Variants in SLC37A3 observed in about 807,000 individuals in gnomAD.
The protein encoded by SLC37A3 is solute carrier family 37 member 3.
Under a neutral mutation model 67.1 loss-of-function variants are expected in SLC37A3, and 51 were observed. The observed-to-expected ratio is 0.76, with a 90% CI of 0.61 to 0.96. The LOEUF is 0.96. SLC37A3 is among the 40% of genes least tolerant of loss of function. The probability of loss-of-function intolerance (pLI) is 0.00; values close to 1 mark genes in which losing one functional copy is unlikely to be tolerated. For missense variants in SLC37A3, 508 were observed against 603.0 expected, an observed-to-expected ratio of 0.84 and a Z score of 1.65; for synonymous variants, 214 against 231.4, an observed-to-expected ratio of 0.92 and a Z score of 0.68.
At chr7:140,366,047 C>T (rs990437587) in intron 4 of SLC37A3, among the ~76,000 whole-genome samples, 2 of 145,310 alleles carry the variant, frequency 1.4e-5, no homozygotes, top group African/African-American at 2.6e-5. Context: ...GAGCAATTCT[C>T]CTGCCGTAGC....
chr7:140,347,221 G>C (rs1235451577), intron 10 of SLC37A3, among the ~76,000 whole-genome samples: 1 of 150,262 alleles, frequency 6.7e-6, no homozygotes, highest in Non-Finnish European at 1.5e-5. Context: ...ACTCCAGCGT[G>C]GGCGACAGAG....
intron 1 of SLC37A3, among the ~76,000 whole-genome samples, chr7:140,385,681 T>C (rs1315717535): frequency 6.6e-6 from 1 of 152,230 alleles, no homozygotes; most frequent in Non-Finnish European, 1.5e-5. Flanking sequence ...TGAGGCCATT[T>C]GGATGTAGTT....
intron 10 of SLC37A3, among the ~76,000 whole-genome samples, chr7:140,347,994 G>A (rs893561579): frequency 2.0e-4 from 31 of 151,938 alleles, no homozygotes; most frequent in African/African-American, 5.3e-4. Flanking sequence ...ACATACCCAC[G>A]ATCAAGTTTA....
At chr7:140,395,247 G>A (rs1798872630) in intron 1 of SLC37A3, among the ~76,000 whole-genome samples, 1 of 151,436 alleles carries the variant, frequency 6.6e-6, no homozygotes, top group Non-Finnish European at 1.5e-5. Flanking sequence ...GTGGTGGTGG[G>A]CACCTATAAT....
At chr7:140,394,825 T>C (rs1798855056) in intron 1 of SLC37A3, among the ~76,000 whole-genome samples, 1 of 150,676 alleles carries the variant, frequency 6.6e-6, no homozygotes, top group Non-Finnish European at 1.5e-5. Flanking sequence ...GCAAGGCTGG[T>C]CTCGAACCCC....
At chr7:140,345,063 G>T (rs980811688) in intron 12 of SLC37A3, among the ~76,000 whole-genome samples, 153 bp downstream of exon 12, 3 of 152,170 alleles carry the variant, frequency 2.0e-5, no homozygotes, top group African/African-American at 7.2e-5. Context: ...CAGAGAAAAA[G>T]AATCTGGAAA....
Position 140,343,485 on chromosome 7 carries a change from C to A in SLC37A3, c.1253G>T (p.Arg418Met), listed in dbSNP as rs1796438929. Residue 418 changes from arginine (R) to methionine (M), a missense_variant, in exon 13 of 15, where the codon AGG becomes ATG. Coordinates refer to ENST00000326232, the MANE Select transcript of SLC37A3 (RefSeq NM_207113.3). Reference protein sequence around the residue: ...ADLGRQELIQRSSEALATVTG... With the variant: ...ADLGRQELIQMSSEALATVTG... ...GACAGTGGCCAAAGCTTCACTGCTC[C>A]TTTGGATGAGCTCCTGGCGACCCAA... is the stretch of plus-strand genomic sequence containing the variant. 1 of 1,613,964 alleles carries A rather than the reference C, an allele frequency of 6.2e-7. No individual in the cohort carries two copies. The highest frequency in any genetic ancestry group is 8.5e-7 in the Non-Finnish European group (1 of 1,180,004).
chr7:140,368,470 G>C (rs2129636545), intron 4 of SLC37A3, among the ~76,000 whole-genome samples: 1 of 152,314 alleles, frequency 6.6e-6, no homozygotes. Context: ...AGGAGGCTGA[G>C]GCAGGAGAAT....
chr7:140,382,300 A>T (rs933097918), intron 2 of SLC37A3, 138 bp downstream of exon 2: 2 of 706,664 alleles, frequency 2.8e-6, no homozygotes, highest in African/African-American at 3.6e-5. Flanking sequence ...ACGATATTAC[A>T]GCTATCAAGA....
At chr7:140,367,430 C>T (rs907156738) in intron 4 of SLC37A3, among the ~76,000 whole-genome samples, 2 of 151,942 alleles carry the variant, frequency 1.3e-5, no homozygotes, top group South Asian at 2.1e-4. Flanking sequence ...AGCAAGACTC[C>T]GTCTCAAAAA....
chr7:140,357,910 CA>C (rs34778426), intron 6 of SLC37A3, among the ~76,000 whole-genome samples: 61,875 of 132,326 alleles, frequency 0.47, 13,488 homozygotes, highest in African/African-American at 0.5. Flanking sequence ...AACTCCATCT[CA>C]AAAAAAAAAA....
intron 13 of SLC37A3, among the ~76,000 whole-genome samples, chr7:140,341,354 G>A (rs966614476): frequency 2.0e-5 from 3 of 152,076 alleles, no homozygotes; most frequent in South Asian, 2.1e-4. Flanking sequence ...ATACAAAGAC[G>A]AAGGAAACAA....
chr7:140,389,663 G>A (rs896694363), intron 1 of SLC37A3, among the ~76,000 whole-genome samples: 2 of 152,128 alleles, frequency 1.3e-5, no homozygotes, highest in Non-Finnish European at 1.5e-5. Context: ...CCCACTGGGC[G>A]GTTACAATAG....
intron 3 of SLC37A3, among the ~76,000 whole-genome samples, chr7:140,379,696 C>A (rs1798171723): frequency 6.6e-6 from 1 of 150,540 alleles, no homozygotes; most frequent in Non-Finnish European, 1.5e-5. Context: ...AGTTCAAGAC[C>A]AGCCTGGGCA....
rs66700092 is a variant in SLC37A3 at position 140,348,462 on chromosome 7, CTTTTT to C, written c.1024+159_1024+163del. 2.5e-3 allele frequency: 918 copies of C among 363,830 alleles called. 9 individuals carry two copies. The highest frequency in any genetic ancestry group is 0.022 in the African/African-American group (795 of 36,222). 22.5% of individuals were successfully genotyped at this position (363,830 alleles called of 1,614,324 possible). On this transcript the variant is annotated intron_variant, in intron 10 of 14. Coordinates refer to ENST00000326232, the MANE Select transcript of SLC37A3 (RefSeq NM_207113.3). ...CTTGTTTTTTCTTTTCTTTTCTTTT[CTTTTT>C]TTTTTTTTTTTGAGTTTGGCTGTTT...
At chr7:140,359,342 CAAAA>C (rs11389043) in intron 5 of SLC37A3, among the ~76,000 whole-genome samples, 1 of 116,868 alleles carries the variant, frequency 8.6e-6, no homozygotes, top group African/African-American at 3.4e-5. Flanking sequence ...GACTCTGTCT[CAAAA>C]AAAAAAAAAA....
chr7:140,395,307 G>A (rs1260541677), intron 1 of SLC37A3, among the ~76,000 whole-genome samples: 6 of 148,392 alleles, frequency 4.0e-5, no homozygotes, highest in South Asian at 2.1e-4. Context: ...CCCGGGAGGC[G>A]GAGGCTGCAG....
At chr7:140,388,066 G>A (rs1237566680) in intron 1 of SLC37A3, among the ~76,000 whole-genome samples, 2 of 148,298 alleles carry the variant, frequency 1.3e-5, no homozygotes, top group Admixed American at 7.0e-5. Context: ...CTGAAATTTT[G>A]TATCCTTTGG....
At chr7:140,369,741 T>C in intron 3 of SLC37A3, 59 bp from the exon 4 acceptor site, 1 of 1,389,328 alleles carries the variant, frequency 7.2e-7, no homozygotes, top group Non-Finnish European at 1.0e-6. Context: ...GCTTTCTGTT[T>C]CCCAAAGCCC....
Sources: gnomAD v4.1 joint callset for allele counts (sites outside exome capture counted in the v4.1 genomes callset) on GRCh38, gnomAD v4.1.1 for gene constraint, MANE v1.5 for transcripts, NCBI Gene and HGNC (gene_info 2026-07-23, HGNC 2026-07-21) for gene names.